Variants in CLCA4 observed in about 807,000 individuals in gnomAD.
CLCA4 encodes the protein chloride channel accessory 4, also known as calcium-activated chloride channel regulator 4.
In CLCA4, 69 loss-of-function variants were observed where a neutral mutation model predicts 78.9. The ratio of observed to expected loss-of-function variants is 0.87; its 90% confidence interval spans 0.72 to 1.07. The LOEUF (loss-of-function observed/expected upper bound fraction) is 1.07, where lower values mean the gene tolerates loss of function less well. Among genes scored for constraint, CLCA4 ranks in the 50% least tolerant of loss-of-function variants. CLCA4 has a pLI of 0.00. For missense variants in CLCA4, 1,133 were observed against 1,095.8 expected (o/e 1.03, Z -0.48); for synonymous variants, 362 against 375.8 (o/e 0.96, Z 0.42).
chr1:86,557,940 G>T (rs1649900270), intron 1 of CLCA4, among the ~76,000 whole-genome samples: 2 of 151,486 alleles, frequency 1.3e-5, no homozygotes, highest in South Asian at 4.1e-4. Flanking sequence ...ATTACGTAAT[G>T]CCCTTCTTTG....
At position 86,578,072 on chromosome 1, in the gene CLCA4, G is replaced by A. The variant is rs748985367; in HGVS notation, c.2122G>A (p.Gly708Arg). The A allele has an allele frequency of 2.9e-5, 47 of 1,606,256 alleles. No individual in the cohort carries two copies. The highest frequency in any genetic ancestry group is 2.0e-4 in the South Asian group (18 of 89,624). Residue 708 changes from glycine (G) to arginine (R), a missense_variant and splice_region_variant, in exon 12 of 14, where the codon GGG becomes AGG. By Grantham distance (125) the Gly-to-Arg change is moderately radical (BLOSUM62 -2). Transcript: ENST00000370563. ...AAYIPGWVVNGEIEANPPRPE... is the reference protein window; with the variant it reads ...AAYIPGWVVNREIEANPPRPE... ...GTACATACCAGGCTGGGTAGTGAACGGTGAGTAACTCATGATATTTATAAT... is the reference window on the plus strand; with the variant it reads ...GTACATACCAGGCTGGGTAGTGAACAGTGAGTAACTCATGATATTTATAAT...
In CLCA4 at chr1:86,571,265, AT is replaced by A; in HGVS notation, c.1360+12del. On this transcript the variant is annotated intron_variant, in intron 8 of 13. Coordinates refer to ENST00000370563, the MANE Select transcript of CLCA4 (RefSeq NM_012128.4). ...TGAGCAAGATAACAGGTAAAACACGATCCATTTATTCCAGGCCTTCAATAGT... is the reference window on the plus strand; with the variant it reads ...TGAGCAAGATAACAGGTAAAACACGACCATTTATTCCAGGCCTTCAATAGT... 6.2e-7 allele frequency: 1 copy of A among 1,604,750 alleles called. No individual in the cohort carries two copies. Among genetic ancestry groups the A allele is most frequent in the East Asian group, 2.2e-5 (1 of 44,786 alleles).
intron 10 of CLCA4, 29 bp from the exon 11 acceptor site, chr1:86,575,303 A>G (rs1400086085): frequency 5.7e-6 from 9 of 1,576,782 alleles, no homozygotes; most frequent in African/African-American, 1.4e-5. Flanking sequence ...GACTTTGGAT[A>G]CTTACTATAT....
intron 1 of CLCA4, among the ~76,000 whole-genome samples, chr1:86,547,724 C>T (rs1649542956): frequency 6.6e-6 from 1 of 152,076 alleles, no homozygotes; most frequent in African/African-American, 2.4e-5. Flanking sequence ...TGGTATTTAT[C>T]TCTCTGTGCC....
chr1:86,567,418 A>G lies in CLCA4; in HGVS notation c.955-6A>G. 15 of 1,586,208 alleles carry G rather than the reference A, an allele frequency of 9.5e-6. No homozygotes were observed. The highest frequency in any genetic ancestry group is 2.3e-5 in the East Asian group (1 of 44,392). ...CTTGTTTGTTTTTCTTGTCTTTTTA[A>G]TCTAGGGTAAGGACCGCCTAAATCG... On this transcript the variant is annotated splice_polypyrimidine_tract_variant and splice_region_variant and intron_variant, in intron 6 of 13. Transcript: ENST00000370563.
chr1:86,560,394 T>C (rs376201599), intron 3 of CLCA4, 36 bp downstream of exon 3: 26 of 1,608,056 alleles, frequency 1.6e-5, no homozygotes, highest in East Asian at 2.2e-5. Flanking sequence ...TTTGCAGTGA[T>C]TGCAGCATAC....
intron 3 of CLCA4, among the ~76,000 whole-genome samples, chr1:86,562,879 A>G (rs1373304514): frequency 6.6e-6 from 1 of 151,018 alleles, no homozygotes; most frequent in Non-Finnish European, 1.5e-5. Context: ...AAAGAAGAAG[A>G]AAGAAAAAGA....
chr1:86,572,746 T>C (rs1231063259), intron 9 of CLCA4, 26 bp downstream of exon 9: 21 of 1,316,622 alleles, frequency 1.6e-5, no homozygotes, highest in Non-Finnish European at 2.2e-5. Flanking sequence ...CCTTGGGTTT[T>C]CATGTTCACT....
At chr1:86,564,841 G>A (rs894487703) in intron 4 of CLCA4, among the ~76,000 whole-genome samples, 2 of 152,082 alleles carry the variant, frequency 1.3e-5, no homozygotes, top group African/African-American at 4.8e-5. Context: ...GAACATTTGT[G>A]TCTATCCCAT....
chr1:86,560,308 T>C lies in CLCA4; in HGVS notation c.398T>C (p.Phe133Ser), dbSNP rs1025002168. The change falls in exon 3 of 14, where the codon TTC (phenylalanine) becomes TCC (serine). Residue 133 changes from phenylalanine (F) to serine (S), a missense_variant. By Grantham distance (155) the Phe-to-Ser change is radical. Coordinates refer to ENST00000370563, the MANE Select transcript of CLCA4 (RefSeq NM_012128.4). ...GGAGAGAAAGGCGAATACATTCACT[T>C]CACCCCTGACCTTCTACTTGGAAAA... ...ECGEKGEYIHFTPDLLLGKKQ... is the reference protein window; with the variant it reads ...ECGEKGEYIHSTPDLLLGKKQ... The C allele has an allele frequency of 6.2e-7, 1 of 1,614,012 alleles. No homozygotes were observed. The highest frequency in any genetic ancestry group is 8.5e-7 in the Non-Finnish European group (1 of 1,179,916).
chr1:86,559,377 A>G (rs1172304377), intron 1 of CLCA4, among the ~76,000 whole-genome samples: 1 of 152,020 alleles, frequency 6.6e-6, no homozygotes, highest in Non-Finnish European at 1.5e-5. Flanking sequence ...TCAATGACCC[A>G]TTTCTATAGA....
At position 86,574,581 on chromosome 1, in the gene CLCA4, G is replaced by A. The variant is rs761905075; in HGVS notation, c.1509G>A (p.Met503Ile). Residue 503 changes from methionine (M) to isoleucine (I), a missense_variant, in exon 10 of 14, where the codon ATG (methionine) becomes ATA (isoleucine). Coordinates refer to ENST00000370563, the MANE Select transcript of CLCA4 (RefSeq NM_012128.4). ...TAACACTGAATAGTAATGCCTGGAT[G>A]AACGACACTGTCATAATTGATAGTA... ...KGLTLNSNAW[M>I]NDTVIIDSTV... The A allele has an allele frequency of 4.3e-6, 7 of 1,613,076 alleles. No homozygotes were observed. Among genetic ancestry groups the A allele is most frequent in the Middle Eastern group, 3.3e-4 (2 of 6,080 alleles).
Position 86,572,626 on chromosome 1 carries a change from T to C in CLCA4, c.1373T>C (p.Phe458Ser), listed in dbSNP as rs2101813917. Reference sequence around the variant, plus strand: ...ATTTACATTTTAGGAGGAAGTCATTTTTATGTTTCAGATGAAGCTCAGAAC... The same window carrying C: ...ATTTACATTTTAGGAGGAAGTCATTCTTATGTTTCAGATGAAGCTCAGAAC... ...EMSKITGGSH[F>S]YVSDEAQNNG... Residue 458 changes from phenylalanine to serine, a missense_variant, in exon 9 of 14, where the codon TTT (phenylalanine) becomes TCT (serine). Phe to Ser is a radical substitution (Grantham distance 155). Transcript: ENST00000370563. The C allele has an allele frequency of 6.2e-7, 1 of 1,600,028 alleles. No individual in the cohort carries two copies. The highest frequency in any genetic ancestry group is 1.1e-5 in the South Asian group (1 of 90,506).
At chr1:86,564,088 G>A (rs1321044986) in intron 4 of CLCA4, among the ~76,000 whole-genome samples, 5 of 152,074 alleles carry the variant, frequency 3.3e-5, no homozygotes, top group Non-Finnish European at 5.9e-5. Context: ...CATTACACAA[G>A]AATGCACAAA....
intron 1 of CLCA4, among the ~76,000 whole-genome samples, chr1:86,555,257 G>A (rs905413617): frequency 2.0e-5 from 3 of 151,986 alleles, no homozygotes; most frequent in Admixed American, 6.6e-5. Context: ...ATTGTTTTAG[G>A]CATCTTTGTT....
Position 86,577,959 on chromosome 1 carries a change from A to T in CLCA4, c.2009A>T (p.Glu670Val), listed in dbSNP as rs1359692785. Reference protein sequence around the residue: ...VYSRYFTAYTENGRYSLKVRA... With the variant: ...VYSRYFTAYTVNGRYSLKVRA... The stretch of plus-strand genomic sequence containing the variant: ...TCCAGGTATTTTACAGCATATACAG[A>T]AAATGGCAGATATAGCTTAAAAGTT... Residue 670 changes from glutamate to valine, a missense_variant, in exon 12 of 14, where the codon GAA becomes GTA. Glu to Val is a moderately radical substitution (Grantham distance 121). Coordinates refer to ENST00000370563, the MANE Select transcript of CLCA4 (RefSeq NM_012128.4). 2 of 1,612,812 alleles carry T rather than the reference A, an allele frequency of 1.2e-6. No individual in the cohort carries two copies. The highest frequency in any genetic ancestry group is 1.3e-5 in the African/African-American group (1 of 74,846).
intron 3 of CLCA4, among the ~76,000 whole-genome samples, chr1:86,562,940 A>T (rs1001952583): frequency 6.6e-6 from 1 of 151,552 alleles, no homozygotes; most frequent in Middle Eastern, 3.2e-3. Context: ...CCATTTTCAG[A>T]TTCATATGAG....
Position 86,547,287 on chromosome 1 carries a change from A to G in CLCA4, c.159+9A>G. 6.4e-7 allele frequency: 1 copy of G among 1,555,808 alleles called. No individual in the cohort carries two copies. The highest frequency in any genetic ancestry group is 1.2e-5 in the South Asian group (1 of 81,358). On this transcript the variant is annotated intron_variant, in intron 1 of 13. Transcript: ENST00000370563. ...TAATTGAACAAATAGAGGTAAGAAC[A>G]AAATGGAATATCTTTCATTAATTTT...
chr1:86,563,514 CT>C (rs1558187922), intron 3 of CLCA4, 146 bp from the exon 4 acceptor site: 2 of 474,542 alleles, frequency 4.2e-6, no homozygotes, highest in East Asian at 6.5e-5. Flanking sequence ...ATGCAATAGG[CT>C]TTTTTATACA....
Sources: allele counts gnomAD v4.1 joint callset (sites outside exome capture counted in the v4.1 genomes callset), GRCh38; gene constraint gnomAD v4.1.1; transcripts MANE v1.5; gene names NCBI Gene and HGNC (gene_info 2026-07-23, HGNC 2026-07-21).